CDKAL1: variants seen among roughly 807,000 people sequenced by gnomAD.
CDKAL1 encodes the protein threonylcarbamoyladenosine tRNA methylthiotransferase.
CDKAL1 carries 32 observed loss-of-function variants against 68.2 expected under a neutral mutation model. That is an observed-to-expected ratio of 0.47 (90% CI 0.35 to 0.63). The LOEUF is 0.63. CDKAL1 is among the 30% of genes least tolerant of loss of function. The probability of loss-of-function intolerance (pLI) is 0.00; values close to 1 mark genes in which losing one functional copy is unlikely to be tolerated. For synonymous variants in CDKAL1, 234 were observed against 244.3 expected (o/e 0.96, Z 0.39); for missense variants, 606 against 696.7 (o/e 0.87, Z 1.47).
chr6:20,705,840 G>A (rs74892619), intron 5 of CDKAL1, among the ~76,000 whole-genome samples: 6,634 of 152,146 alleles, frequency 0.044, 169 homozygotes, highest in Middle Eastern at 0.082. Flanking sequence ...AGCCATTCTC[G>A]AATCTGTTTA....
chr6:20,626,885 A>G (rs1767455151), intron 4 of CDKAL1, among the ~76,000 whole-genome samples: 1 of 152,112 alleles, frequency 6.6e-6, no homozygotes, highest in Non-Finnish European at 1.5e-5. Context: ...TCTTCCCCTT[A>G]AGTCTTATGG....
At chr6:20,938,630 A>T (rs1342125666) in intron 9 of CDKAL1, among the ~76,000 whole-genome samples, 1 of 152,042 alleles carries the variant, frequency 6.6e-6, no homozygotes, top group African/African-American at 2.4e-5. Flanking sequence ...GAATCATCTC[A>T]ATTTTCTGTA....
chr6:21,083,602 A>G (rs1008509871), intron 12 of CDKAL1, among the ~76,000 whole-genome samples: 1 of 152,182 alleles, frequency 6.6e-6, no homozygotes, highest in Non-Finnish European at 1.5e-5. Context: ...AAATCAGGAA[A>G]TTTAACATTG....
intron 5 of CDKAL1, among the ~76,000 whole-genome samples, chr6:20,733,153 A>G (rs1008356954): frequency 2.6e-5 from 4 of 152,146 alleles, no homozygotes; most frequent in African/African-American, 9.7e-5. Context: ...CTTCTCCTGC[A>G]TAACGTTGGT....
intron 8 of CDKAL1, among the ~76,000 whole-genome samples, chr6:20,809,603 A>C (rs183099086): frequency 2.0e-5 from 3 of 152,194 alleles, no homozygotes; most frequent in Non-Finnish European, 4.4e-5. Context: ...TTCTGTTCTC[A>C]TATGCTTTCC....
chr6:20,756,903 CCT>C (rs1774224153), intron 6 of CDKAL1: 42 of 107,566 alleles, frequency 3.9e-4, no homozygotes, highest in African/African-American at 1.3e-3. Context: ...TTCCTTCCTT[CCT>C]TCCTTCCTTC....
At chr6:21,176,403 C>A (rs75202058) in intron 13 of CDKAL1, among the ~76,000 whole-genome samples, 20,276 of 152,304 alleles carry the variant, frequency 0.13, 1,610 homozygotes, top group Non-Finnish European at 0.18. Flanking sequence ...AGTGAACAGA[C>A]TGGCATTTCA....
In CDKAL1 at chr6:21,129,927, T is replaced by A. The variant is rs185169226; in HGVS notation, c.1299+21464T>A. ...CAGTCCCTTTTTTTTCTACTTTTTT[T>A]AAAAATTTAGGTATGGAAACGAAGG... On this transcript the variant is annotated intron_variant, in intron 13 of 15. Transcript: ENST00000274695. Among the ~76,000 whole-genome samples, 727 of 152,136 alleles carry A rather than the reference T, an allele frequency of 4.8e-3. 19 individuals carry two copies. The highest frequency in any genetic ancestry group is 0.043 in the Admixed American group (662 of 15,272).
chr6:20,705,400 C>T (rs559678865), intron 5 of CDKAL1, among the ~76,000 whole-genome samples: 2 of 152,254 alleles, frequency 1.3e-5, no homozygotes, highest in South Asian at 4.1e-4. Context: ...AAGATTATTA[C>T]TTAAGCTTGT....
At chr6:20,909,115 C>T (rs533170420) in intron 9 of CDKAL1, among the ~76,000 whole-genome samples, 2 of 151,912 alleles carry the variant, frequency 1.3e-5, no homozygotes, top group Non-Finnish European at 2.9e-5. Context: ...ATCTGTGATA[C>T]AATGAATGTG....
At chr6:20,834,893 C>G (rs2150471251) in intron 8 of CDKAL1, among the ~76,000 whole-genome samples, 1 of 152,254 alleles carries the variant, frequency 6.6e-6, no homozygotes, top group South Asian at 2.1e-4. Flanking sequence ...TTCTGTCTCC[C>G]TCTATCACCC....
chr6:20,799,040 G>GTTTGTT (rs1776242945), intron 8 of CDKAL1, among the ~76,000 whole-genome samples: 4 of 47,482 alleles, frequency 8.4e-5, no homozygotes, highest in Non-Finnish European at 1.1e-4. Context: ...AAAGAACTGA[G>GTTTGTT]TTTTTTTTTT....
At chr6:20,843,775 G>A (rs1247430575) in intron 8 of CDKAL1, among the ~76,000 whole-genome samples, 1 of 152,120 alleles carries the variant, frequency 6.6e-6, no homozygotes, top group African/African-American at 2.4e-5. Flanking sequence ...CTTCCATTAA[G>A]ATTGTTCACT....
intron 4 of CDKAL1, among the ~76,000 whole-genome samples, chr6:20,556,439 C>G (rs1581720187): frequency 6.6e-6 from 1 of 152,048 alleles, no homozygotes. Flanking sequence ...CCATTCCTAC[C>G]TCCTTAATCA....
chr6:21,086,248 A>G (rs1772686824), intron 12 of CDKAL1, among the ~76,000 whole-genome samples: 1 of 152,232 alleles, frequency 6.6e-6, no homozygotes, highest in Non-Finnish European at 1.5e-5. Flanking sequence ...TTCTGCTTCC[A>G]TACTCTGCTT....
Position 20,638,874 on chromosome 6 carries a change from C to T in CDKAL1, c.287-10419C>T, listed in dbSNP as rs191624092. The stretch of plus-strand genomic sequence containing the variant: ...GTCTCGATCTCTTGACATCATGATC[C>T]GCCTGCCTCGGCCTCCTAAAGTGCT... On this transcript the variant is annotated intron_variant, in intron 4 of 15. Transcript: ENST00000274695. Among the ~76,000 whole-genome samples the T allele has an allele frequency of 1.6e-4, 24 of 152,166 alleles. No homozygotes were observed. In the East Asian group the frequency reaches 2.9e-3, roughly 18 times the overall value.
At chr6:21,181,378 A>G (rs929641727) in intron 13 of CDKAL1, among the ~76,000 whole-genome samples, 5 of 152,332 alleles carry the variant, frequency 3.3e-5, no homozygotes, top group South Asian at 2.1e-4. Context: ...GAGGGCCCCC[A>G]TGAGTGAATT....
intron 11 of CDKAL1, among the ~76,000 whole-genome samples, chr6:21,024,372 G>T (rs554511006): frequency 6.6e-6 from 1 of 152,246 alleles, no homozygotes; most frequent in Admixed American, 6.5e-5. Flanking sequence ...AAGAGGCCAG[G>T]CATGGTGGCT....
At chr6:21,201,469 G>T (rs1329678867) in intron 15 of CDKAL1, among the ~76,000 whole-genome samples, 195 bp downstream of exon 15, 6 of 152,204 alleles carry the variant, frequency 3.9e-5, no homozygotes. Flanking sequence ...TTGCTTCTCT[G>T]GCTGTAAAGA....
Sources: allele counts gnomAD v4.1 joint callset (sites outside exome capture counted in the v4.1 genomes callset), GRCh38; gene constraint gnomAD v4.1.1; transcripts MANE v1.5; gene names NCBI Gene and HGNC (gene_info 2026-07-23, HGNC 2026-07-21).